The following NRXN2 variants were observed in gnomAD, a reference collection of about 807,000 sequenced individuals.
The protein encoded by NRXN2 is neurexin 2, also known as neurexin-2-beta.
Under a neutral mutation model 128.8 loss-of-function variants are expected in NRXN2, and 29 were observed. The observed-to-expected ratio is 0.23, with a 90% CI of 0.17 to 0.31. The LOEUF (loss-of-function observed/expected upper bound fraction) is 0.31. NRXN2 is among the 10% of genes least tolerant of loss of function. The probability of loss-of-function intolerance (pLI) is 1.00; values close to 1 mark genes in which losing one functional copy is unlikely to be tolerated. For synonymous variants in NRXN2, 1,098 were observed against 1,075.2 expected (o/e 1.02, Z -0.41); for missense variants, 1,881 against 2,452.6 (o/e 0.77, Z 4.92).
Position 64,648,385 on chromosome 11 carries a change from C to A in NRXN2, c.3284-47G>T, listed in dbSNP as rs774862488. 1 of 1,613,502 alleles carries A rather than the reference C, an allele frequency of 6.2e-7. No individual in the cohort carries two copies. The highest frequency in any genetic ancestry group is 1.7e-5 in the Admixed American group (1 of 60,028). On this transcript the variant is annotated intron_variant, in intron 16 of 22. Coordinates refer to ENST00000265459, the MANE Select transcript of NRXN2 (RefSeq NM_015080.4). The surrounding 1 kb of genome is among the most constrained non-coding windows in gnomAD (Gnocchi z 4.1). ...AACACCCCTGGCTCAGCCAAGCCCC[C>A]TCTTTCCCCAGGAGGTGTGGAAGCT...
At position 64,630,664 on chromosome 11, in the gene NRXN2, C is replaced by T. The variant is rs1479564665; in HGVS notation, c.3586-91G>A. ...TCCTGTGACCACCACTAGCCCAGCT[C>T]CGCAGCACTTAAGGCACCTTTCCCA... On this transcript the variant is annotated intron_variant, in intron 18 of 22. Coordinates refer to ENST00000265459, the MANE Select transcript of NRXN2 (RefSeq NM_015080.4). This position sits in a 1 kb window ranked among gnomAD's most constrained non-coding sequence, Gnocchi z 4.6. The T allele has an allele frequency of 1.5e-5, 22 of 1,456,828 alleles. No homozygotes were observed. The highest frequency in any genetic ancestry group is 3.6e-5 in the Admixed American group (2 of 55,384). 90.2% of individuals were successfully genotyped at this position (1,456,828 alleles called of 1,614,324 possible). A position where few individuals can be genotyped will look rare whatever the true frequency, so the allele number is the denominator to read the frequency against.
At chr11:64,645,014 A>T (rs2046419492) in intron 17 of NRXN2, among the ~76,000 whole-genome samples, 1 of 152,040 alleles carries the variant, frequency 6.6e-6, no homozygotes, top group Non-Finnish European at 1.5e-5. Flanking sequence ...AGGTCTTTAG[A>T]AGTGAAGAAA....
chr11:64,608,725 G>A (rs71579896), intron 22 of NRXN2, among the ~76,000 whole-genome samples: 3,284 of 152,092 alleles, frequency 0.022, 108 homozygotes, highest in African/African-American at 0.074. Context: ...TGCTCCCTGC[G>A]CATCCTGCCT....
Position 64,631,393 on chromosome 11 carries a change from C to A in NRXN2, c.3586-820G>T, listed in dbSNP as rs1157906838. ...AAAGAGCCTAAGCAATCTCTGGGAC[C>A]CAGGCCCACGGGACACTCTGCAGAG... is the stretch of plus-strand genomic sequence containing the variant. On this transcript the variant is annotated intron_variant, in intron 18 of 22. Transcript: ENST00000265459. This position sits in a 1 kb window ranked among gnomAD's most constrained non-coding sequence, Gnocchi z 4.8. 6.6e-6 allele frequency among the ~76,000 whole-genome samples: 1 copy of A among 152,054 alleles called. No individual in the cohort carries two copies. The highest frequency in any genetic ancestry group is 1.5e-5 in the Non-Finnish European group (1 of 67,982).
At chr11:64,640,831 A>G (rs1265900875) in intron 17 of NRXN2, among the ~76,000 whole-genome samples, 1 of 152,170 alleles carries the variant, frequency 6.6e-6, no homozygotes, top group Non-Finnish European at 1.5e-5. Context: ...GAGCAGAAAG[A>G]TTGGAGGTGA....
chr11:64,625,084 T>C lies in NRXN2; in HGVS notation c.3847+1379A>G, dbSNP rs149333144. 3.4e-3 allele frequency among the ~76,000 whole-genome samples: 515 copies of C among 152,218 alleles called. 3 individuals carry two copies. The highest frequency in any genetic ancestry group is 0.012 in the African/African-American group (482 of 41,540). Reference sequence around the variant, plus strand: ...TTCGGGCACTACCTCTCTAATCCAATTGGTTATTTTCTAGAAGAGGAAAGT... The same window carrying C: ...TTCGGGCACTACCTCTCTAATCCAACTGGTTATTTTCTAGAAGAGGAAAGT... On this transcript the variant is annotated intron_variant, in intron 20 of 22. Coordinates refer to ENST00000265459, the MANE Select transcript of NRXN2 (RefSeq NM_015080.4).
At chr11:64,688,151 G>A (rs1439726816) in intron 5 of NRXN2, among the ~76,000 whole-genome samples, 1 of 152,234 alleles carries the variant, frequency 6.6e-6, no homozygotes, top group African/African-American at 2.4e-5. Context: ...AGGCGGGTCT[G>A]GGGCTGGACA....
Position 64,651,571 on chromosome 11 carries a change from G to A in NRXN2, c.2602C>T (p.Arg868Trp), listed in dbSNP as rs777696885. 8.1e-6 allele frequency: 13 copies of A among 1,613,990 alleles called. No homozygotes were observed. The highest frequency in any genetic ancestry group is 2.2e-5 in the South Asian group (2 of 91,082). Residue 868 changes from arginine to tryptophan, a missense_variant, in exon 14 of 23, where the codon CGG becomes TGG. Around this residue, in one of 7 missense-constraint regions of NRXN2, gnomAD observed 390 missense variants for 599.6 expected, o/e 0.65. Transcript: ENST00000265459. This position sits in a 1 kb window ranked among gnomAD's most constrained non-coding sequence, Gnocchi z 5.9. The stretch of plus-strand genomic sequence containing the variant: ...GAGGGCACCACGGAGATAAACCGCC[G>A]CTCCGTCATGATGCCCGTCTCAATG... ...HNIETGIMTERRFISVVPSNF... is the reference protein window; with the variant it reads ...HNIETGIMTEWRFISVVPSNF...
In NRXN2 at chr11:64,668,383, C is replaced by T. The variant is rs951034212; in HGVS notation, c.1359+60G>A. 37 of 1,602,776 alleles carry T rather than the reference C, an allele frequency of 2.3e-5. No individual in the cohort carries two copies. In the African/African-American group the frequency reaches 4.8e-4, roughly 21 times the overall value. ...ACTAGCCAGGTCAGACTAAGTCACGCTGAAGACAGGAGACAAAGGGCTCCT... is the reference window on the plus strand; with the variant it reads ...ACTAGCCAGGTCAGACTAAGTCACGTTGAAGACAGGAGACAAAGGGCTCCT... On this transcript the variant is annotated intron_variant, in intron 8 of 22. Transcript: ENST00000265459.
intron 14 of NRXN2, among the ~76,000 whole-genome samples, chr11:64,650,959 C>G (rs1229281169): frequency 2.6e-5 from 4 of 152,106 alleles, no homozygotes; most frequent in Non-Finnish European, 5.9e-5. Context: ...GTGGGGTCCC[C>G]TAAGGCAACG....
At chr11:64,650,019 A>C (rs2047243632) in intron 15 of NRXN2, among the ~76,000 whole-genome samples, 1 of 152,092 alleles carries the variant, frequency 6.6e-6, no homozygotes. Flanking sequence ...CCGATGCCCA[A>C]GACAGGTGAC....
chr11:64,616,278 TGTG>T (rs1320131991), intron 22 of NRXN2, among the ~76,000 whole-genome samples: 1 of 152,142 alleles, frequency 6.6e-6, no homozygotes, highest in Non-Finnish European at 1.5e-5. Flanking sequence ...ATGTGTGCAT[TGTG>T]GTGAGTATAC....
chr11:64,641,364 T>A (rs1235280238), intron 17 of NRXN2, among the ~76,000 whole-genome samples: 1 of 151,686 alleles, frequency 6.6e-6, no homozygotes, highest in Non-Finnish European at 1.5e-5. Context: ...ATGAATAGAC[T>A]AAAATGGGAG....
At position 64,607,554 on chromosome 11, in the gene NRXN2, G is replaced by T; in HGVS notation, c.4781C>A (p.Pro1594His). Residue 1594 changes from proline (P) to histidine (H), a missense_variant, in exon 23 of 23, where the codon CCT (proline) becomes CAT (histidine). Coordinates refer to ENST00000265459, the MANE Select transcript of NRXN2 (RefSeq NM_015080.4). ...APTSFEPRRP[P>H]PLRPGVTSAP... ...TGAGGTCACGCCGGGGCGCAGGGGAGGGGGCCTCCGCGGCTCAAAGGACGT... is the reference window on the plus strand; with the variant it reads ...TGAGGTCACGCCGGGGCGCAGGGGATGGGGCCTCCGCGGCTCAAAGGACGT... The T allele has an allele frequency of 1.9e-6, 3 of 1,544,034 alleles. No individual in the cohort carries two copies. The highest frequency in any genetic ancestry group is 2.6e-6 in the Non-Finnish European group (3 of 1,148,594).
intron 20 of NRXN2, among the ~76,000 whole-genome samples, chr11:64,625,343 C>T (rs1040788818): frequency 3.3e-5 from 5 of 152,358 alleles, no homozygotes; most frequent in South Asian, 2.1e-4. Context: ...TGGCCCCATC[C>T]GCCATGAACT....
intron 7 of NRXN2, among the ~76,000 whole-genome samples, chr11:64,670,700 C>A (rs548962180): frequency 6.6e-6 from 1 of 152,342 alleles, no homozygotes; most frequent in Non-Finnish European, 1.5e-5. Context: ...AGCACACAGT[C>A]ATTAAAGATC....
At chr11:64,652,446 G>A (rs11231847) in intron 12 of NRXN2, among the ~76,000 whole-genome samples, 1 of 152,128 alleles carries the variant, frequency 6.6e-6, no homozygotes, top group South Asian at 2.1e-4. Flanking sequence ...CATGCACATA[G>A]AATATTAAGT....
At chr11:64,608,474 T>C (rs1243971814) in intron 22 of NRXN2, among the ~76,000 whole-genome samples, 1 of 150,514 alleles carries the variant, frequency 6.6e-6, no homozygotes, top group Non-Finnish European at 1.5e-5. Context: ...GTTTTTTTTC[T>C]AGATTTTTCT....
intron 5 of NRXN2, 25 bp from the exon 6 acceptor site, chr11:64,685,972 G>A (rs140874556): frequency 4.4e-4 from 715 of 1,613,820 alleles, no homozygotes; most frequent in Non-Finnish European, 5.5e-4. Context: ...GTGGGGAAAC[G>A]GGAGAAGGCT....
Sources: gnomAD v4.1 joint callset for allele counts (sites outside exome capture counted in the v4.1 genomes callset) on GRCh38, gnomAD v4.1.1 for gene constraint, gnomAD v4.1.1 regional missense constraint, Gnocchi (gnomAD v3.1) non-coding constraint, MANE v1.5 for transcripts, NCBI Gene and HGNC (gene_info 2026-07-23, HGNC 2026-07-21) for gene names.